Variants in BLTP1 observed in about 807,000 individuals in gnomAD.
The protein encoded by BLTP1 is bridge-like lipid transfer protein family member 1, also known as fragile site-associated protein.
the BLTP1 span, chr4:122,312,734 A>G: frequency 1.9e-6 from 1 of 526,006 alleles, no homozygotes; most frequent in Non-Finnish European, 2.4e-6. Context: ...AGTTGGAAAG[A>G]TTTTTCCCTT....
the BLTP1 span, chr4:122,325,489 C>G: frequency 1.0e-6 from 1 of 984,862 alleles, no homozygotes; most frequent in East Asian, 1.1e-4. Flanking sequence ...GCCCTTATAA[C>G]ATTTTCTGAG....
At chr4:122,264,162 C>G in the BLTP1 span, 2 of 1,404,704 alleles carry the variant, frequency 1.4e-6, no homozygotes, top group African/African-American at 2.9e-5. Context: ...TACTACTATA[C>G]AGGCTTCAAA....
the BLTP1 span, chr4:122,263,562 C>A: frequency 6.2e-7 from 1 of 1,612,072 alleles, no homozygotes; most frequent in Non-Finnish European, 8.5e-7. Flanking sequence ...TTACAAGAAT[C>A]TCCTGTTACA....
the BLTP1 span, chr4:122,315,824 T>A: frequency 1.3e-6 from 1 of 741,742 alleles, no homozygotes; most frequent in Non-Finnish European, 2.2e-6. Flanking sequence ...TCACTGTGTC[T>A]ACATTTCATA....
At chr4:122,279,311 A>T in the BLTP1 span, among the ~76,000 whole-genome samples, 8 of 152,252 alleles carry the variant, frequency 5.3e-5, no homozygotes, top group South Asian at 1.7e-3. Flanking sequence ...GCAAATTGAT[A>T]CTTGGTTTGC....
the BLTP1 span, among the ~76,000 whole-genome samples, chr4:122,183,709 G>A: frequency 6.6e-6 from 1 of 152,112 alleles, no homozygotes; most frequent in African/African-American, 2.4e-5. Context: ...TTTCCAAGTT[G>A]ATGAGGGGTT....
the BLTP1 span, among the ~76,000 whole-genome samples, chr4:122,300,466 C>G: frequency 6.6e-6 from 1 of 151,958 alleles, no homozygotes; most frequent in African/African-American, 2.4e-5. Flanking sequence ...AAGTTATGTC[C>G]TTGTCTCTCT....
At chr4:122,282,361 G>A in the BLTP1 span, among the ~76,000 whole-genome samples, 17 of 152,102 alleles carry the variant, frequency 1.1e-4, no homozygotes, top group Non-Finnish European at 7.4e-5. Flanking sequence ...GCCTTCTTTG[G>A]CCGGGCGCAG....
chr4:122,271,620 C>T, the BLTP1 span: 1 of 1,612,964 alleles, frequency 6.2e-7, no homozygotes, highest in South Asian at 1.1e-5. Flanking sequence ...AGTGAGCCTT[C>T]AGCTGAGTGC....
the BLTP1 span, chr4:122,279,832 G>A: frequency 6.2e-7 from 1 of 1,614,054 alleles, no homozygotes; most frequent in South Asian, 1.1e-5. Flanking sequence ...CCCAAAGAGG[G>A]CTGAAGACAA....
At chr4:122,292,216 G>A in the BLTP1 span, 1 of 314,354 alleles carries the variant, frequency 3.2e-6, no homozygotes, top group South Asian at 1.3e-4. Flanking sequence ...TGATCTGCGT[G>A]CCTTGGCTTC....
the BLTP1 span, chr4:122,226,237 C>A: frequency 5.5e-6 from 1 of 181,294 alleles, no homozygotes; most frequent in Non-Finnish European, 1.0e-5. Context: ...CTTACTTAAG[C>A]TTCTATTTAC....
At chr4:122,169,739 G>A in the BLTP1 span, 1 of 984,234 alleles carries the variant, frequency 1.0e-6, no homozygotes, top group Non-Finnish European at 1.2e-6. Flanking sequence ...ACAAATATTT[G>A]TCAGAAGTTG....
the BLTP1 span, chr4:122,256,802 T>G: frequency 2.0e-6 from 1 of 509,512 alleles, no homozygotes; most frequent in East Asian, 1.5e-4. Flanking sequence ...ACATAAGTTA[T>G]AGTAATTTAT....
chr4:122,188,932 A>G, the BLTP1 span: 1 of 985,196 alleles, frequency 1.0e-6, no homozygotes. Flanking sequence ...CTAGAATGAT[A>G]GAAAGAGGGT....
the BLTP1 span, chr4:122,280,046 A>G: frequency 5.0e-6 from 8 of 1,605,194 alleles, no homozygotes; most frequent in Non-Finnish European, 6.8e-6. Context: ...TCTTTGCTGC[A>G]TTAACAAAAG....
chr4:122,361,492 G>A, the BLTP1 span, among the ~76,000 whole-genome samples: 1 of 152,182 alleles, frequency 6.6e-6, no homozygotes, highest in Non-Finnish European at 1.5e-5. Context: ...CCATGAGGGA[G>A]GAGGGTACTG....
At chr4:122,185,058 G>A in the BLTP1 span, 1 of 985,328 alleles carries the variant, frequency 1.0e-6, no homozygotes, top group Non-Finnish European at 1.2e-6. Context: ...CTAAATACTA[G>A]TGAAGTAATA....
chr4:122,262,148 T>TTG, the BLTP1 span, among the ~76,000 whole-genome samples: 27,333 of 133,286 alleles, frequency 0.21, 3,074 homozygotes, highest in African/African-American at 0.33. Context: ...TACAGATCCT[T>TTG]TGTGTGTGTG....
Sources: allele counts gnomAD v4.1 joint callset (sites outside exome capture counted in the v4.1 genomes callset), GRCh38; gene constraint gnomAD v4.1.1; transcripts MANE v1.5; gene names NCBI Gene and HGNC (gene_info 2026-07-23, HGNC 2026-07-21).